Variants in SS18 observed in about 807,000 individuals in gnomAD.
SS18 encodes the protein SS18 subunit of BAF chromatin remodeling complex, also known as protein SSXT.
A neutral mutation model predicts 72.5 loss-of-function variants in SS18; 28 were observed. The observed-to-expected ratio is 0.39, with a 90% CI of 0.29 to 0.53. The LOEUF (loss-of-function observed/expected upper bound fraction) is 0.53, where lower values mean the gene tolerates loss of function less well. Ranked by LOEUF, SS18 falls within the 20% of genes least tolerant of loss-of-function variation. The pLI, the probability that SS18 is intolerant of heterozygous loss-of-function variation, is 0.76. For missense variants in SS18, 518 were observed against 535.3 expected, an observed-to-expected ratio of 0.97 and a Z score of 0.32; for synonymous variants, 172 against 164.2, an observed-to-expected ratio of 1.05 and a Z score of -0.37.
intron 10 of SS18, among the ~76,000 whole-genome samples, chr18:26,026,892 T>A (rs8086724): frequency 0.055 from 8,439 of 152,062 alleles, 272 homozygotes; most frequent in East Asian, 0.13. Context: ...TCAAAACACA[T>A]AAAATACTTA....
intron 3 of SS18, among the ~76,000 whole-genome samples, chr18:26,072,354 TA>T (rs11339746): frequency 0.2 from 26,822 of 136,724 alleles, 4,445 homozygotes; most frequent in African/African-American, 0.46. Context: ...TAGACTGAGT[TA>T]AAAAAAAAAA....
chr18:26,028,632 T>C (rs1269452842), intron 10 of SS18, among the ~76,000 whole-genome samples: 5 of 152,234 alleles, frequency 3.3e-5, no homozygotes, highest in African/African-American at 1.2e-4. Flanking sequence ...AAAACAATTA[T>C]GCTGAGTAAA....
rs1555643837 is a variant in SS18, at chr18:26,027,703, A to AAAAAAAAAAGAC, written c.1230+4695_1230+4696insGTCTTTTTTTTT. Among the ~76,000 whole-genome samples, 13 of 124,716 alleles carry AAAAAAAAAAGAC rather than the reference A, an allele frequency of 1.0e-4. 2 individuals are homozygous for AAAAAAAAAAGAC. Among genetic ancestry groups the AAAAAAAAAAGAC allele is most frequent in the African/African-American group, 4.3e-4 (12 of 28,048 alleles). The allele number at this position is 124,716 out of a possible 152,430, so 81.8% of individuals were successfully genotyped here. ...AAAAAAAAAAAAAAAAAAAAAAAAA[A>AAAAAAAAAAGAC]AGTCTTTTCAACAAATGACTCTGAG... On this transcript the variant is annotated intron_variant, in intron 10 of 10. Transcript: ENST00000415083.
intron 10 of SS18, among the ~76,000 whole-genome samples, chr18:26,032,101 A>C (rs1397018723): frequency 6.6e-6 from 1 of 152,160 alleles, no homozygotes; most frequent in Non-Finnish European, 1.5e-5. Context: ...TACCTCAGTA[A>C]ACAAAGTATG....
At chr18:26,073,402 AT>A (rs976838924) in intron 3 of SS18, among the ~76,000 whole-genome samples, 3 of 152,244 alleles carry the variant, frequency 2.0e-5, no homozygotes, top group Admixed American at 6.5e-5. Flanking sequence ...ACAGAAAAAA[AT>A]ATACCAAAAG....
At chr18:26,080,602 A>C (rs2054500203) in intron 2 of SS18, among the ~76,000 whole-genome samples, 1 of 152,220 alleles carries the variant, frequency 6.6e-6, no homozygotes, top group Admixed American at 6.5e-5. Flanking sequence ...TTTATGAAGT[A>C]GTTTCATTTT....
intron 3 of SS18, 113 bp from the exon 4 acceptor site, chr18:26,057,855 C>T: frequency 1.9e-6 from 2 of 1,029,822 alleles, no homozygotes; most frequent in Non-Finnish European, 2.7e-6. Flanking sequence ...AACACAAATG[C>T]ATTTCGAATT....
intron 3 of SS18, among the ~76,000 whole-genome samples, chr18:26,067,551 C>T (rs1298134203): frequency 6.6e-6 from 1 of 152,054 alleles, no homozygotes; most frequent in African/African-American, 2.4e-5. Flanking sequence ...TAAAAAAGAT[C>T]TGTATTTGGC....
At chr18:26,084,161 T>G (rs1460752842) in intron 2 of SS18, 1 of 151,788 alleles carries the variant, frequency 6.6e-6, no homozygotes, top group Non-Finnish European at 1.5e-5. Flanking sequence ...CTTGAGGGGC[T>G]CCCACTGGCC....
intron 4 of SS18, among the ~76,000 whole-genome samples, chr18:26,055,514 G>C (rs1025978895): frequency 6.6e-6 from 1 of 152,036 alleles, no homozygotes; most frequent in Non-Finnish European, 1.5e-5. Flanking sequence ...CTGAGACTGA[G>C]TAGTGATTTG....
intron 10 of SS18, among the ~76,000 whole-genome samples, chr18:26,031,465 T>C (rs190966851): frequency 1.8e-3 from 278 of 152,320 alleles, no homozygotes; most frequent in Middle Eastern, 0.01. Context: ...AAATAACTTA[T>C]TTTAGATAGC....
intron 1 of SS18, 53 bp from the exon 2 acceptor site, chr18:26,087,630 A>T (rs2054639639): frequency 9.6e-7 from 1 of 1,039,830 alleles, no homozygotes. Flanking sequence ...CAAGTAAAAT[A>T]AAAAACTAGA....
Position 26,087,548 on chromosome 18 carries a change from C to G in SS18, c.99G>C (p.Gln33His). ...CTTTATTCTGAGAGTCCATTATACA[C>G]TGAATAAGATGGTTATTGTCATCCA... The part of the protein sequence containing the change: ...KMLDDNNHLI[Q>H]CIMDSQNKGK... Residue 33 changes from glutamine (Q) to histidine (H), a missense_variant, in exon 2 of 11, where the codon CAG (glutamine) becomes CAC (histidine). By Grantham distance (24) the Gln-to-His change is conservative. Coordinates refer to ENST00000415083, the MANE Select transcript of SS18 (RefSeq NM_001007559.3). 1 of 1,597,980 alleles carries G rather than the reference C, an allele frequency of 6.3e-7. No individual in the cohort carries two copies. The highest frequency in any genetic ancestry group is 8.6e-7 in the Non-Finnish European group (1 of 1,169,306).
In SS18 at chr18:26,035,131, C is replaced by T; in HGVS notation, c.974-4G>A. The T allele has an allele frequency of 6.2e-7, 1 of 1,612,174 alleles. No individual in the cohort carries two copies. ...TGTTGGCCATACTGTGAATTTCCTACAGGATAATTGGAGAAGAGGAAAAAA... is the reference window on the plus strand; with the variant it reads ...TGTTGGCCATACTGTGAATTTCCTATAGGATAATTGGAGAAGAGGAAAAAA... On this transcript the variant is annotated splice_polypyrimidine_tract_variant and splice_region_variant and intron_variant, in intron 8 of 10. Coordinates refer to ENST00000415083, the MANE Select transcript of SS18 (RefSeq NM_001007559.3). The surrounding 1 kb of genome is among the most constrained non-coding windows in gnomAD (Gnocchi z 4.4).
At chr18:26,049,094 C>A (rs192889017) in intron 5 of SS18, among the ~76,000 whole-genome samples, 205 of 152,312 alleles carry the variant, frequency 1.3e-3, no homozygotes, top group African/African-American at 4.8e-3. Flanking sequence ...TATTCTTTAA[C>A]ACAAGCACTG....
chr18:26,081,084 G>A (rs1190956671), intron 2 of SS18: 13 of 93,002 alleles, frequency 1.4e-4, no homozygotes, highest in East Asian at 9.6e-4. Context: ...GCGAGACTCC[G>A]TCTCAAAAAA....
intron 10 of SS18, among the ~76,000 whole-genome samples, chr18:26,029,924 C>T (rs1190420856): frequency 6.6e-6 from 1 of 152,062 alleles, no homozygotes; most frequent in Admixed American, 6.6e-5. Context: ...AATGGTCCCC[C>T]CCTCATATTC....
At chr18:26,019,010 G>A (rs553938963) in intron 10 of SS18, among the ~76,000 whole-genome samples, 1 of 152,134 alleles carries the variant, frequency 6.6e-6, no homozygotes, top group Non-Finnish European at 1.5e-5. Context: ...AGGTAGACTT[G>A]AAGACCCTCA....
intron 10 of SS18, among the ~76,000 whole-genome samples, chr18:26,023,854 A>T (rs1021849708): frequency 7.2e-5 from 11 of 152,046 alleles, no homozygotes; most frequent in African/African-American, 2.7e-4. Context: ...TTTTTTCCTT[A>T]TTATTTAAGT....
Sources: gnomAD v4.1 joint callset for allele counts (sites outside exome capture counted in the v4.1 genomes callset) on GRCh38, gnomAD v4.1.1 for gene constraint, Gnocchi (gnomAD v3.1) non-coding constraint, MANE v1.5 for transcripts, NCBI Gene and HGNC (gene_info 2026-07-23, HGNC 2026-07-21) for gene names.